The following CDH8 variants were observed in gnomAD, a reference collection of about 807,000 sequenced individuals.
CDH8 encodes the protein cadherin 8, also known as cadherin-8.
A neutral mutation model predicts 68.1 loss-of-function variants in CDH8; 17 were observed. The observed-to-expected ratio is 0.25, with a 90% CI of 0.17 to 0.37. CDH8 has a LOEUF of 0.37. CDH8 is among the 10% of genes least tolerant of loss of function. The pLI is 1.00. For missense variants in CDH8, 763 were observed against 999.3 expected (o/e 0.76, Z 3.19); for synonymous variants, 372 against 365.1 (o/e 1.02, Z -0.21).
chr16:61,757,785 T>A (rs1410834426), intron 8 of CDH8, among the ~76,000 whole-genome samples: 2 of 152,088 alleles, frequency 1.3e-5, no homozygotes, highest in African/African-American at 4.8e-5. Context: ...GGGTAGTCAG[T>A]CTCTTCAAAG....
At chr16:61,856,162 A>C (rs1963042865) in intron 4 of CDH8, among the ~76,000 whole-genome samples, 1 of 152,150 alleles carries the variant, frequency 6.6e-6, no homozygotes, top group Non-Finnish European at 1.5e-5. Context: ...TTATCTCAAC[A>C]GCGCTGAAAA....
At chr16:61,699,354 T>G (rs1212743450) in intron 10 of CDH8, among the ~76,000 whole-genome samples, 1 of 152,184 alleles carries the variant, frequency 6.6e-6, no homozygotes, top group Admixed American at 6.5e-5. Flanking sequence ...ACATTTGAAA[T>G]TGTGCTTTTA....
chr16:61,690,855 G>A (rs1964207805), intron 10 of CDH8, among the ~76,000 whole-genome samples: 1 of 151,900 alleles, frequency 6.6e-6, no homozygotes, highest in South Asian at 2.1e-4. Context: ...AAGGCTGATT[G>A]CAGTCTACAA....
At chr16:61,880,394 G>A (rs1332881912) in intron 3 of CDH8, among the ~76,000 whole-genome samples, 3 of 152,154 alleles carry the variant, frequency 2.0e-5, no homozygotes, top group Non-Finnish European at 4.4e-5. Context: ...AAGATGTGAA[G>A]ATGTTGGCAT....
chr16:61,690,452 G>C (rs1232098700), intron 10 of CDH8, among the ~76,000 whole-genome samples: 2 of 152,006 alleles, frequency 1.3e-5, no homozygotes, highest in African/African-American at 4.8e-5. Context: ...TATTTCACAT[G>C]AGAAAAATGA....
intron 2 of CDH8, chr16:61,918,513 G>C (rs539359048): frequency 6.5e-6 from 1 of 152,910 alleles, no homozygotes; most frequent in African/African-American, 2.4e-5. Flanking sequence ...GAAGCGCAAG[G>C]GGTCAGGGAG....
chr16:61,664,944 C>A (rs59095474), intron 10 of CDH8, among the ~76,000 whole-genome samples: 1 of 151,832 alleles, frequency 6.6e-6, no homozygotes, highest in Non-Finnish European at 1.5e-5. Context: ...TTCTTTCACA[C>A]AACATTAATA....
At chr16:61,662,153 A>G (rs1393210005) in intron 10 of CDH8, among the ~76,000 whole-genome samples, 1 of 150,336 alleles carries the variant, frequency 6.7e-6, no homozygotes, top group Non-Finnish European at 1.5e-5. Context: ...GTAAAAGGAA[A>G]GAACAGTCAT....
intron 2 of CDH8, among the ~76,000 whole-genome samples, chr16:61,911,633 A>T (rs1369921): frequency 9.2e-6 from 1 of 108,560 alleles, no homozygotes; most frequent in Non-Finnish European, 2.2e-5. Context: ...ACCCCCCCCC[A>T]CCACCTCTCT....
intron 4 of CDH8, among the ~76,000 whole-genome samples, chr16:61,847,538 T>TA: frequency 1.5e-5 from 2 of 136,740 alleles, no homozygotes; most frequent in South Asian, 2.4e-4. Context: ...TCCAATCATT[T>TA]TATATATATA....
At chr16:61,829,872 G>A (rs1404205172) in intron 4 of CDH8, among the ~76,000 whole-genome samples, 1 of 151,778 alleles carries the variant, frequency 6.6e-6, no homozygotes, top group African/African-American at 2.4e-5. Flanking sequence ...AGAATTTTTG[G>A]AATGCTTTTT....
intron 7 of CDH8, among the ~76,000 whole-genome samples, chr16:61,814,089 A>G (rs1261352174): frequency 6.6e-6 from 1 of 152,202 alleles, no homozygotes; most frequent in Non-Finnish European, 1.5e-5. Flanking sequence ...TAGCTACCAC[A>G]TATTTTATTC....
chr16:61,716,524 C>A (rs1964733566), intron 9 of CDH8, among the ~76,000 whole-genome samples: 1 of 151,692 alleles, frequency 6.6e-6, no homozygotes, highest in South Asian at 2.1e-4. Flanking sequence ...TTTCAAACAG[C>A]CTTCTGGGTA....
chr16:61,770,659 C>T (rs901478174), intron 8 of CDH8, among the ~76,000 whole-genome samples: 3 of 151,930 alleles, frequency 2.0e-5, no homozygotes, highest in African/African-American at 7.2e-5. Context: ...TCTTCACTTG[C>T]CACATGGTAG....
intron 2 of CDH8, among the ~76,000 whole-genome samples, chr16:62,012,349 C>T (rs1014331356): frequency 6.6e-6 from 1 of 152,112 alleles, no homozygotes; most frequent in Admixed American, 6.5e-5. Flanking sequence ...AGTTATGGAA[C>T]TTGTTTAAAG....
intron 4 of CDH8, among the ~76,000 whole-genome samples, chr16:61,856,491 A>C (rs2143015312): frequency 6.6e-6 from 1 of 152,282 alleles, no homozygotes; most frequent in African/African-American, 2.4e-5. Flanking sequence ...TTTGTTAGAT[A>C]ACTTACTTCA....
intron 10 of CDH8, among the ~76,000 whole-genome samples, chr16:61,660,863 G>T (rs1325137588): frequency 6.6e-6 from 1 of 151,870 alleles, no homozygotes; most frequent in African/African-American, 2.4e-5. Flanking sequence ...GATATTCTCG[G>T]ATGGACAAAA....
At chr16:62,034,520 C>A (rs1902405402) in intron 1 of CDH8, among the ~76,000 whole-genome samples, 1 of 152,108 alleles carries the variant, frequency 6.6e-6, no homozygotes, top group Non-Finnish European at 1.5e-5. Context: ...AAAAGCCAGC[C>A]CCCATCCCTC....
intron 7 of CDH8, among the ~76,000 whole-genome samples, chr16:61,809,948 A>T (rs1961899863): frequency 6.6e-6 from 1 of 152,214 alleles, no homozygotes; most frequent in Non-Finnish European, 1.5e-5. Flanking sequence ...GAGCTCCATT[A>T]GGGATTTGCT....
Sources: gnomAD v4.1 joint callset for allele counts (sites outside exome capture counted in the v4.1 genomes callset) on GRCh38, gnomAD v4.1.1 for gene constraint, MANE v1.5 for transcripts, NCBI Gene and HGNC (gene_info 2026-07-23, HGNC 2026-07-21) for gene names.